Variants in CTNNA2 observed in about 807,000 individuals in gnomAD.
CTNNA2 encodes the protein catenin alpha 2, also known as catenin alpha-2.
CTNNA2 carries 42 observed loss-of-function variants against 101.0 expected under a neutral mutation model. The ratio of observed to expected loss-of-function variants is 0.42; its 90% CI spans 0.32 to 0.54. The LOEUF (loss-of-function observed/expected upper bound fraction) is 0.54, where lower values mean the gene tolerates loss of function less well. Ranked by LOEUF, CTNNA2 falls within the 20% of genes least tolerant of loss-of-function variation. The pLI is 0.14. For synonymous variants in CTNNA2, 450 were observed against 456.4 expected, an observed-to-expected ratio of 0.99 and a Z score of 0.18; for missense variants, 871 against 1,223.1, an observed-to-expected ratio of 0.71 and a Z score of 4.29.
At chr2:80,127,176 C>G (rs1573162135) in intron 7 of CTNNA2, among the ~76,000 whole-genome samples, 1 of 152,114 alleles carries the variant, frequency 6.6e-6, no homozygotes, top group East Asian at 1.9e-4. Context: ...GTGTCTGTCC[C>G]CAAATCAACT....
At chr2:80,624,183 T>A (rs958936151) in intron 18 of CTNNA2, among the ~76,000 whole-genome samples, 5 of 151,868 alleles carry the variant, frequency 3.3e-5, no homozygotes, top group African/African-American at 4.8e-5. Context: ...TAACATTTGT[T>A]TGGGGATGGT....
intron 2 of CTNNA2, among the ~76,000 whole-genome samples, chr2:79,234,325 G>C (rs1450256049): frequency 6.6e-6 from 1 of 151,990 alleles, no homozygotes; most frequent in Non-Finnish European, 1.5e-5. Context: ...GATAGTCTTG[G>C]TTGAAATTCT....
chr2:80,378,617 G>A (rs1172407156), intron 7 of CTNNA2: 2 of 152,120 alleles, frequency 1.3e-5, no homozygotes, highest in Admixed American at 1.3e-4. Context: ...TATAATCAGT[G>A]TTAAAAATCC....
chr2:79,426,209 A>C (rs1678591097), intron 4 of CTNNA2, among the ~76,000 whole-genome samples: 1 of 152,178 alleles, frequency 6.6e-6, no homozygotes, highest in African/African-American at 2.4e-5. Context: ...TGTCACAAAC[A>C]AAGTCTTTGG....
chr2:80,042,074 C>T (rs947606574), intron 7 of CTNNA2, among the ~76,000 whole-genome samples: 2 of 152,202 alleles, frequency 1.3e-5, no homozygotes, highest in Admixed American at 6.5e-5. Context: ...AAGCAGTTCT[C>T]CTGCCTCAGC....
intron 9 of CTNNA2, among the ~76,000 whole-genome samples, chr2:80,477,559 C>G (rs373697199): frequency 1.3e-5 from 2 of 152,012 alleles, no homozygotes; most frequent in East Asian, 3.9e-4. Flanking sequence ...CTCTATATGC[C>G]TTTGCATCCC....
intron 2 of CTNNA2, among the ~76,000 whole-genome samples, chr2:79,303,473 C>G (rs1156600721): frequency 6.6e-6 from 1 of 152,154 alleles, no homozygotes; most frequent in Non-Finnish European, 1.5e-5. Flanking sequence ...TGTATATTTA[C>G]AAGCGTGTCT....
At chr2:79,928,552 A>G (rs907182469) in intron 7 of CTNNA2, among the ~76,000 whole-genome samples, 1 of 152,222 alleles carries the variant, frequency 6.6e-6, no homozygotes, top group African/African-American at 2.4e-5. Context: ...TTTGTTGATT[A>G]AGATGAATCT....
intron 18 of CTNNA2, among the ~76,000 whole-genome samples, chr2:80,636,298 G>T (rs1672876591): frequency 6.6e-6 from 1 of 152,090 alleles, no homozygotes; most frequent in Admixed American, 6.6e-5. Context: ...GCAGGTGCTG[G>T]CTTCAGTGGT....
intron 7 of CTNNA2, among the ~76,000 whole-genome samples, chr2:80,196,467 C>G (rs1488243915): frequency 6.6e-6 from 1 of 152,168 alleles, no homozygotes; most frequent in Non-Finnish European, 1.5e-5. Context: ...ACAACTAAGG[C>G]CCTATTTTAA....
At chr2:79,451,195 A>G (rs557706957) in intron 4 of CTNNA2, among the ~76,000 whole-genome samples, 41 of 152,244 alleles carry the variant, frequency 2.7e-4, no homozygotes, top group Non-Finnish European at 1.8e-4. Context: ...TTACTATGCT[A>G]TGTTGTAACT....
intron 7 of CTNNA2, among the ~76,000 whole-genome samples, chr2:80,209,250 G>A (rs904734718): frequency 3.4e-5 from 5 of 147,580 alleles, no homozygotes; most frequent in Non-Finnish European, 7.4e-5. Flanking sequence ...TGCCCAGGCT[G>A]AACTGCAGCG....
At chr2:80,605,740 C>G (rs3770350) in intron 16 of CTNNA2, 1 of 151,814 alleles carries the variant, frequency 6.6e-6, no homozygotes, top group Non-Finnish European at 1.5e-5. Flanking sequence ...CAAGAGTCAA[C>G]GAATTCTCAT....
At chr2:79,875,761 A>G (rs1414038164) in intron 6 of CTNNA2, among the ~76,000 whole-genome samples, 1 of 152,176 alleles carries the variant, frequency 6.6e-6, no homozygotes, top group Non-Finnish European at 1.5e-5. Context: ...ATATGATAAT[A>G]TATTTAAAGC....
intron 3 of CTNNA2, among the ~76,000 whole-genome samples, chr2:79,780,903 A>G (rs930073983): frequency 6.6e-6 from 1 of 152,238 alleles, no homozygotes; most frequent in Non-Finnish European, 1.5e-5. Context: ...GCACTGACTT[A>G]TAAAAACAAA....
chr2:79,656,459 G>A (rs1681619645), intron 2 of CTNNA2, among the ~76,000 whole-genome samples: 1 of 152,056 alleles, frequency 6.6e-6, no homozygotes. Flanking sequence ...GGATGGATAA[G>A]GGATGAAATG....
intron 1 of CTNNA2, among the ~76,000 whole-genome samples, chr2:79,522,730 A>G (rs1392058202): frequency 3.9e-5 from 6 of 152,198 alleles, no homozygotes; most frequent in Admixed American, 3.9e-4. Flanking sequence ...TAAAGCTGGG[A>G]CACTGATAAC....
chr2:80,599,862 G>C (rs1328666044), intron 15 of CTNNA2, among the ~76,000 whole-genome samples: 1 of 151,552 alleles, frequency 6.6e-6, no homozygotes, highest in Non-Finnish European at 1.5e-5. Context: ...CCATGCTGGT[G>C]TGCTGCACCC....
chr2:80,498,790 T>C (rs576718220), intron 9 of CTNNA2, among the ~76,000 whole-genome samples: 2 of 152,314 alleles, frequency 1.3e-5, no homozygotes, highest in South Asian at 4.1e-4. Flanking sequence ...CCTGATATAT[T>C]TGGGGGTGCT....
Sources: gnomAD v4.1 joint callset for allele counts (sites outside exome capture counted in the v4.1 genomes callset) on GRCh38, gnomAD v4.1.1 for gene constraint, MANE v1.5 for transcripts, NCBI Gene and HGNC (gene_info 2026-07-23, HGNC 2026-07-21) for gene names.